Variants in CACNA2D3 observed in about 807,000 individuals in gnomAD.
CACNA2D3 encodes the protein calcium voltage-gated channel auxiliary subunit alpha2delta 3.
In CACNA2D3, 60 loss-of-function variants were observed where a neutral mutation model predicts 160.6. The observed-to-expected ratio is 0.37, with a 90% CI of 0.30 to 0.46. The LOEUF is 0.46. CACNA2D3 is among the 20% of genes least tolerant of loss of function. The pLI is 1.00. For missense variants in CACNA2D3, 1,205 were observed against 1,365.0 expected (o/e 0.88, Z 1.85); for synonymous variants, 558 against 492.9 (o/e 1.13, Z -1.75).
chr3:54,820,239 G>C (rs1703559332), intron 14 of CACNA2D3, among the ~76,000 whole-genome samples: 1 of 152,126 alleles, frequency 6.6e-6, no homozygotes, highest in Non-Finnish European at 1.5e-5. Context: ...ATTTTAAATA[G>C]TTACGTCTCT....
At chr3:55,060,154 G>C (rs1704471790) in intron 35 of CACNA2D3, among the ~76,000 whole-genome samples, 1 of 152,106 alleles carries the variant, frequency 6.6e-6, no homozygotes, top group African/African-American at 2.4e-5. Flanking sequence ...CAGTATGATG[G>C]GTGAGATGGC....
chr3:54,347,655 T>TA lies in CACNA2D3; in HGVS notation c.321+27109dup, dbSNP rs769255368. Reference sequence around the variant, plus strand: ...CCAAAATAACTTATGTTGGTTGACTTAAAAAAAAAAAACAAAAAACACCAT... The same window carrying TA: ...CCAAAATAACTTATGTTGGTTGACTTAAAAAAAAAAAAACAAAAAACACCAT... On this transcript the variant is annotated intron_variant, in intron 3 of 37. Transcript: ENST00000474759. Among the ~76,000 whole-genome samples the TA allele has an allele frequency of 6.9e-3, 985 of 143,344 alleles. 7 individuals carry two copies. Among genetic ancestry groups the TA allele is most frequent in the African/African-American group, 0.016 (644 of 39,332 alleles). The allele number at this position is 143,344 out of a possible 152,430, so 94.0% of individuals were successfully genotyped here.
chr3:54,882,312 T>C (rs75038216), intron 21 of CACNA2D3, among the ~76,000 whole-genome samples: 19,123 of 152,218 alleles, frequency 0.13, 1,386 homozygotes, highest in Non-Finnish European at 0.17. Flanking sequence ...AGATATTAAC[T>C]GCCTCTCATG....
chr3:54,782,945 C>G (rs1021804586), intron 13 of CACNA2D3, among the ~76,000 whole-genome samples: 1 of 152,150 alleles, frequency 6.6e-6, no homozygotes, highest in South Asian at 2.1e-4. Context: ...AAAACGCACA[C>G]CAGACCCTGT....
At chr3:54,670,500 CACTCTGTAAGAGAGA>C (rs1700140127) in intron 11 of CACNA2D3, among the ~76,000 whole-genome samples, 1 of 152,118 alleles carries the variant, frequency 6.6e-6, no homozygotes, top group Non-Finnish European at 1.5e-5. Flanking sequence ...CCCATCTGGC[CACTCTGTAAGAGAGA>C]ACTCACAGTG....
At chr3:54,253,994 T>G (rs1045133844) in intron 2 of CACNA2D3, among the ~76,000 whole-genome samples, 11 of 152,096 alleles carry the variant, frequency 7.2e-5, no homozygotes, top group Admixed American at 2.0e-4. Flanking sequence ...TTTAAACTCC[T>G]GACCTCGTGA....
intron 2 of CACNA2D3, among the ~76,000 whole-genome samples, chr3:54,174,588 G>C (rs903284066): frequency 1.7e-4 from 24 of 140,826 alleles, no homozygotes; most frequent in Non-Finnish European, 1.1e-4. Context: ...GCAGTGGCGC[G>C]ATCTCAGCTC....
chr3:54,854,271 A>G (rs1699120231), intron 17 of CACNA2D3, among the ~76,000 whole-genome samples: 1 of 152,206 alleles, frequency 6.6e-6, no homozygotes, highest in Non-Finnish European at 1.5e-5. Flanking sequence ...AAAGAAAGAA[A>G]AAGAAAACAG....
At chr3:54,581,441 G>A (rs372451019) in intron 8 of CACNA2D3, among the ~76,000 whole-genome samples, 60 of 152,250 alleles carry the variant, frequency 3.9e-4, no homozygotes, top group African/African-American at 1.3e-3. Flanking sequence ...CTGTATCCAC[G>A]CAACTCTGGG....
chr3:54,702,634 C>T (rs1298539933), intron 11 of CACNA2D3, among the ~76,000 whole-genome samples: 1 of 152,152 alleles, frequency 6.6e-6, no homozygotes, highest in East Asian at 1.9e-4. Flanking sequence ...TGCTTATACA[C>T]TGCTGGTCTG....
chr3:54,808,742 C>A (rs1200674273), intron 13 of CACNA2D3, among the ~76,000 whole-genome samples: 1 of 152,156 alleles, frequency 6.6e-6, no homozygotes, highest in African/African-American at 2.4e-5. Flanking sequence ...ATAGGAGTCA[C>A]ACTCTGCCTA....
At chr3:54,647,014 A>T (rs768689788) in intron 11 of CACNA2D3, among the ~76,000 whole-genome samples, 1 of 152,210 alleles carries the variant, frequency 6.6e-6, no homozygotes, top group Admixed American at 6.5e-5. Flanking sequence ...CTTCCAGCTG[A>T]CAGCCAGAAA....
At chr3:54,618,172 G>T (rs1159666362) in intron 9 of CACNA2D3, among the ~76,000 whole-genome samples, 1 of 151,510 alleles carries the variant, frequency 6.6e-6, no homozygotes, top group East Asian at 1.9e-4. Context: ...TATAAATGAA[G>T]AAATTATTGA....
intron 4 of CACNA2D3, among the ~76,000 whole-genome samples, chr3:54,469,597 G>A (rs941049927): frequency 2.6e-5 from 4 of 152,098 alleles, no homozygotes; most frequent in Non-Finnish European, 5.9e-5. Context: ...ACTGACAGAA[G>A]TAGGCTTCAG....
At chr3:55,066,431 G>T (rs1371404214) in intron 35 of CACNA2D3, among the ~76,000 whole-genome samples, 7 of 152,128 alleles carry the variant, frequency 4.6e-5, no homozygotes, top group Non-Finnish European at 1.0e-4. Context: ...TTAATGAAAG[G>T]CAAGCCAAAC....
At position 54,745,251 on chromosome 3, in the gene CACNA2D3, A is replaced by G. The variant is rs374231934; in HGVS notation, c.1168-7348A>G. 3.9e-4 allele frequency among the ~76,000 whole-genome samples: 59 copies of G among 152,314 alleles called. 2 individuals carry two copies. In the South Asian group the frequency reaches 0.012, roughly 31 times the overall value. On this transcript the variant is annotated intron_variant, in intron 11 of 37. Transcript: ENST00000474759. ...AGGCCAACCAGGCTTAGCGTTGGACAGTCAATCATCTCAGTGGGCACTGGG... is the reference window on the plus strand; with the variant it reads ...AGGCCAACCAGGCTTAGCGTTGGACGGTCAATCATCTCAGTGGGCACTGGG...
chr3:54,838,140 T>C lies in CACNA2D3; in HGVS notation c.1471-428T>C, dbSNP rs1698738540. ...TATATTTCTCTTGCTATTTAGACTC[T>C]CTCTCCTGGGCACCAGATGGCAGTG... On this transcript the variant is annotated intron_variant, in intron 15 of 37. Coordinates refer to ENST00000474759, the MANE Select transcript of CACNA2D3 (RefSeq NM_018398.3). Among the ~76,000 whole-genome samples, 10 of 152,308 alleles carry C rather than the reference T, an allele frequency of 6.6e-5. No homozygotes were observed. The South Asian group carries it at 2.1e-3, about 32-fold the overall frequency.
intron 16 of CACNA2D3, among the ~76,000 whole-genome samples, chr3:54,840,305 A>G (rs1698790871): frequency 6.6e-6 from 1 of 152,102 alleles, no homozygotes; most frequent in Non-Finnish European, 1.5e-5. Context: ...TACTAAGTAA[A>G]CATTACGGTC....
intron 35 of CACNA2D3, among the ~76,000 whole-genome samples, chr3:55,051,325 G>C (rs1375646973): frequency 2.2e-4 from 34 of 152,086 alleles, no homozygotes; most frequent in African/African-American, 6.5e-4. Flanking sequence ...TTCTAACAGA[G>C]GGGACCCTCA....
Sources: allele counts gnomAD v4.1 joint callset (sites outside exome capture counted in the v4.1 genomes callset), GRCh38; gene constraint gnomAD v4.1.1; transcripts MANE v1.5; gene names NCBI Gene and HGNC (gene_info 2026-07-23, HGNC 2026-07-21).